Variants in ZNF324 observed in about 807,000 individuals in gnomAD.
The protein encoded by ZNF324 is zinc finger protein 324.
In ZNF324, 3 loss-of-function variants were observed where a neutral mutation model predicts 10.3. The observed-to-expected ratio is 0.29, with a 90% confidence interval of 0.13 to 0.75. ZNF324 has a LOEUF of 0.75. Among genes scored for constraint, ZNF324 ranks in the 30% least tolerant of loss-of-function variants. ZNF324 has a pLI of 0.69. For missense variants in ZNF324, 763 were observed against 784.4 expected, an observed-to-expected ratio of 0.97 and a Z score of 0.33; for synonymous variants, 430 against 339.5, an observed-to-expected ratio of 1.27 and a Z score of -2.93.
At chr19:58,470,276 A>G (rs914381060) in intron 3 of ZNF324, among the ~76,000 whole-genome samples, 1 of 151,302 alleles carries the variant, frequency 6.6e-6, no homozygotes, top group Non-Finnish European at 1.5e-5. Flanking sequence ...TCTGGGGCTC[A>G]TGGTGTGGTG....
At position 58,471,371 on chromosome 19, in the gene ZNF324, C is replaced by T. The variant is rs372919470; in HGVS notation, c.879C>T (p.Ala293=). The T allele has an allele frequency of 6.8e-6, 11 of 1,613,854 alleles. No individual in the cohort carries two copies. Among genetic ancestry groups the T allele is most frequent in the African/African-American group, 6.7e-5 (5 of 74,946 alleles). ...RPYECAQCGK[A]FSQTSHLTQH... ...ACGAGTGCGCCCAGTGCGGCAAGGCCTTCAGCCAGACGTCGCACTTGACGC... is the reference window on the plus strand; with the variant it reads ...ACGAGTGCGCCCAGTGCGGCAAGGCTTTCAGCCAGACGTCGCACTTGACGC... Residue 293 remains alanine (A), a synonymous_variant, in exon 4 of 4, where the codon GCC becomes GCT. Coordinates refer to ENST00000196482, the MANE Select transcript of ZNF324 (RefSeq NM_014347.3).
In ZNF324 at chr19:58,471,702, G is replaced by A. The variant is rs755676423; in HGVS notation, c.1210G>A (p.Ala404Thr). The change falls in exon 4 of 4, where the codon GCT (alanine) becomes ACT (threonine). Residue 404 changes from alanine to threonine, a missense_variant. By Grantham distance (58) the Ala-to-Thr change is moderately conservative (BLOSUM62 0). Around this residue, in one of 3 missense-constraint regions of ZNF324, gnomAD observed 153 missense variants for 269.0 expected, o/e 0.57. Coordinates refer to ENST00000196482, the MANE Select transcript of ZNF324 (RefSeq NM_014347.3). ...EKPFVCALCGAAFSQGSSLFK... is the reference protein window; with the variant it reads ...EKPFVCALCGTAFSQGSSLFK... ...GCCCTTCGTGTGCGCGCTCTGCGGT[G>A]CTGCCTTCAGCCAGGGCTCCTCGCT... is the stretch of plus-strand genomic sequence containing the variant. 2.5e-5 allele frequency: 41 copies of A among 1,612,028 alleles called. No individual in the cohort carries two copies. In the South Asian group the frequency reaches 4.3e-4, roughly 17 times the overall value.
At position 58,470,800 on chromosome 19, in the gene ZNF324, C is replaced by G; in HGVS notation, c.308C>G (p.Pro103Arg). ...EWPRAFPDTP[P>R]GMTTSVFPVA... ...CCACGAGCTTTCCCAGATACCCCACCTGGGATGACTACTAGCGTCTTCCCT... is the reference window on the plus strand; with the variant it reads ...CCACGAGCTTTCCCAGATACCCCACGTGGGATGACTACTAGCGTCTTCCCT... Residue 103 changes from proline to arginine, a missense_variant, in exon 4 of 4, where the codon CCT becomes CGT. Pro to Arg is a moderately radical substitution (Grantham distance 103). This residue lies in a region of ZNF324 where 379 missense variants were observed against 319.4 expected (regional missense o/e 1.19). Coordinates refer to ENST00000196482, the MANE Select transcript of ZNF324 (RefSeq NM_014347.3). 2.5e-6 allele frequency: 4 copies of G among 1,614,230 alleles called. No individual in the cohort carries two copies. The highest frequency in any genetic ancestry group is 3.4e-6 in the Non-Finnish European group (4 of 1,180,044).
chr19:58,472,392 G>C lies in ZNF324; in HGVS notation c.*238G>C. On this transcript the variant is annotated 3_prime_UTR_variant, in exon 4 of 4. Coordinates refer to ENST00000196482, the MANE Select transcript of ZNF324 (RefSeq NM_014347.3). ...ACATCAGGGGGAGGACGTGGTGGCT[G>C]AACTCTAGTGGGGCCGAGACTATTC... 2 of 551,820 alleles carry C rather than the reference G, an allele frequency of 3.6e-6. No individual in the cohort carries two copies. Among genetic ancestry groups the C allele is most frequent in the Non-Finnish European group, 6.4e-6 (2 of 311,834 alleles). 34.2% of individuals were successfully genotyped at this position (551,820 alleles called of 1,614,324 possible).
intron 1 of ZNF324, among the ~76,000 whole-genome samples, chr19:58,468,706 A>G (rs1389610054): frequency 1.3e-5 from 2 of 152,170 alleles, no homozygotes; most frequent in Non-Finnish European, 2.9e-5. Flanking sequence ...GGGCCCAGCC[A>G]GGACTTGTTC....
At position 58,472,235 on chromosome 19, in the gene ZNF324, G is replaced by GA. The variant is rs2053043393; in HGVS notation, c.*86dup. ...ATGTCCTCTGCAGATCCACAGCAGA[G>GA]AAAAAGTCCCGTGCTTGCTAGTCAG... On this transcript the variant is annotated 3_prime_UTR_variant, in exon 4 of 4. Coordinates refer to ENST00000196482, the MANE Select transcript of ZNF324 (RefSeq NM_014347.3). 7.2e-7 allele frequency: 1 copy of GA among 1,390,636 alleles called. No individual in the cohort carries two copies. The highest frequency in any genetic ancestry group is 1.4e-5 in the South Asian group (1 of 69,432). 86.1% of individuals were successfully genotyped at this position (1,390,636 alleles called of 1,614,324 possible).
Position 58,474,524 on chromosome 19 carries a change from C to T in ZNF324, c.*2370C>T, listed in dbSNP as rs1297844616. 6.6e-6 allele frequency: 1 copy of T among 152,112 alleles called. No homozygotes were observed. The highest frequency in any genetic ancestry group is 1.9e-4 in the East Asian group (1 of 5,158). 9.4% of individuals were successfully genotyped at this position (152,112 alleles called of 1,614,324 possible). ...TGTTGTCCCTCAGTTTGTCCACCCT[C>T]CTCCAATCTTCCCCTCCCCAAACCC... On this transcript the variant is annotated 3_prime_UTR_variant, in exon 4 of 4. Coordinates refer to ENST00000196482, the MANE Select transcript of ZNF324 (RefSeq NM_014347.3).
chr19:58,470,665 A>T, intron 3 of ZNF324, 66 bp from the exon 4 acceptor site: 1 of 1,606,062 alleles, frequency 6.2e-7, no homozygotes, highest in Non-Finnish European at 8.5e-7. Context: ...TTGCCTGTCC[A>T]CTCAGCCTGC....
In ZNF324 at chr19:58,469,117, A is replaced by G. The variant is rs748166030; in HGVS notation, c.-6-63A>G. On this transcript the variant is annotated intron_variant, in intron 1 of 3. Transcript: ENST00000196482. ...ATTCTTCTTCCAATGTGGCCCAGGG[A>G]AGCCAAAAGATTGGATAACCCAGCC... 3.5e-4 allele frequency: 557 copies of G among 1,610,552 alleles called. 1 individual carries two copies. Among genetic ancestry groups the G allele is most frequent in the South Asian group, 1.1e-4 (10 of 90,918 alleles).
chr19:58,471,438 C>A lies in ZNF324; in HGVS notation c.946C>A (p.Pro316Thr). ...IHSGETPYACPVCGKAFRHSS... is the reference protein window; with the variant it reads ...IHSGETPYACTVCGKAFRHSS... ...CAGCGGCGAGACGCCCTACGCGTGC[C>A]CCGTGTGCGGCAAGGCCTTCCGGCA... The change falls in exon 4 of 4, where the codon CCC becomes ACC. Residue 316 changes from proline to threonine, a missense_variant. By Grantham distance (38) the Pro-to-Thr change is conservative. Transcript: ENST00000196482. 1.2e-6 allele frequency: 2 copies of A among 1,605,724 alleles called. No homozygotes were observed. Among genetic ancestry groups the A allele is most frequent in the Admixed American group, 3.4e-5 (2 of 59,462 alleles).
In ZNF324 at chr19:58,471,996, A is replaced by T; in HGVS notation, c.1504A>T (p.Ile502Phe). 1 of 1,608,668 alleles carries T rather than the reference A, an allele frequency of 6.2e-7. No homozygotes were observed. The highest frequency in any genetic ancestry group is 8.5e-7 in the Non-Finnish European group (1 of 1,179,706). ...CCCGGCCCTCTTCCACCACCAGAGG[A>T]TCCATACCGGCGAGAAGACCGTCCG... ...ERPALFHHQR[I>F]HTGEKTVRRS... The change falls in exon 4 of 4, where the codon ATC (isoleucine) becomes TTC (phenylalanine). Residue 502 changes from isoleucine to phenylalanine, a missense_variant. By Grantham distance (21) the Ile-to-Phe change is conservative. This residue lies in a region of ZNF324 where 231 missense variants were observed against 196.0 expected (regional missense o/e 1.18). Transcript: ENST00000196482.
chr19:58,471,293 G>C lies in ZNF324; in HGVS notation c.801G>C (p.Val267=), dbSNP rs1316403598. Residue 267 remains valine (V), a synonymous_variant, in exon 4 of 4, where the codon GTG becomes GTC. Coordinates refer to ENST00000196482, the MANE Select transcript of ZNF324 (RefSeq NM_014347.3). ...FECRACSKVF[V]KSSDLLKHLR... is the part of the protein sequence containing the mutation. Reference sequence around the variant, plus strand: ...GCAGGGCGTGCAGCAAAGTGTTCGTGAAGAGCTCCGACCTCCTCAAGCACC... The same window carrying C: ...GCAGGGCGTGCAGCAAAGTGTTCGTCAAGAGCTCCGACCTCCTCAAGCACC... 3.1e-6 allele frequency: 5 copies of C among 1,613,846 alleles called. No homozygotes were observed. Among genetic ancestry groups the C allele is most frequent in the Non-Finnish European group, 3.4e-6 (4 of 1,180,006 alleles).
rs2122430986 is a variant in ZNF324, at chr19:58,475,412, A to G, written c.*3258A>G. ...TTCTGCTCCCCAAATTCAAAGGTAA[A>G]TAAACGGTTGAGCATGTCCGATCAG... On this transcript the variant is annotated 3_prime_UTR_variant, in exon 4 of 4. Coordinates refer to ENST00000196482, the MANE Select transcript of ZNF324 (RefSeq NM_014347.3). 1 of 152,340 alleles carries G rather than the reference A, an allele frequency of 6.6e-6. No individual in the cohort carries two copies. Among genetic ancestry groups the G allele is most frequent in the East Asian group, 1.9e-4 (1 of 5,190 alleles). 9.4% of individuals were successfully genotyped at this position (152,340 alleles called of 1,614,324 possible). A position where few individuals can be genotyped will look rare whatever the true frequency, so the allele number is the denominator to read the frequency against.
rs760510284 is a variant in ZNF324, at chr19:58,475,229, G to A, written c.*3075G>A. Reference sequence around the variant, plus strand: ...GCTCTTCATCCAGAGCAGGCAGCAGGGATTCCCAGGTATCCAAAGAAACCA... The same window carrying A: ...GCTCTTCATCCAGAGCAGGCAGCAGAGATTCCCAGGTATCCAAAGAAACCA... On this transcript the variant is annotated 3_prime_UTR_variant, in exon 4 of 4. Coordinates refer to ENST00000196482, the MANE Select transcript of ZNF324 (RefSeq NM_014347.3). The A allele has an allele frequency of 1.3e-5, 2 of 152,156 alleles. No homozygotes were observed. Among genetic ancestry groups the A allele is most frequent in the East Asian group, 3.8e-4 (2 of 5,200 alleles). 9.4% of individuals were successfully genotyped at this position (152,156 alleles called of 1,614,324 possible).
intron 3 of ZNF324, 173 bp from the exon 4 acceptor site, chr19:58,470,558 C>G: frequency 1.3e-6 from 1 of 782,274 alleles, no homozygotes; most frequent in South Asian, 1.5e-5. Context: ...CCATACCTAT[C>G]AGGGCAGATT....
Position 58,468,259 on chromosome 19 carries a change from G to A in ZNF324, c.-6-921G>A, listed in dbSNP as rs541102732. 44 of 985,254 alleles carry A rather than the reference G, an allele frequency of 4.5e-5. No homozygotes were observed. In the African/African-American group the frequency reaches 6.8e-4, roughly 15 times the overall value. 61.0% of individuals were successfully genotyped at this position (985,254 alleles called of 1,614,324 possible). On this transcript the variant is annotated intron_variant, in intron 1 of 3. Coordinates refer to ENST00000196482, the MANE Select transcript of ZNF324 (RefSeq NM_014347.3). ...GACAGGGCCTATGAATTGGACTGAG[G>A]AATGGGCAGGGACTCAGCCAGGTGT...
chr19:58,470,298 C>T (rs943338513), intron 3 of ZNF324, among the ~76,000 whole-genome samples: 8 of 142,432 alleles, frequency 5.6e-5, no homozygotes, highest in African/African-American at 2.1e-4. Context: ...GAGAGGCAGT[C>T]GGTAAGCAGG....
In ZNF324 at chr19:58,471,898, T is replaced by G; in HGVS notation, c.1406T>G (p.Leu469Arg). The G allele has an allele frequency of 2.5e-6, 4 of 1,611,162 alleles. No homozygotes were observed. The highest frequency in any genetic ancestry group is 3.4e-6 in the Non-Finnish European group (4 of 1,179,346). ...GCCTTCGCCAAGGGCGCCGTGCTGCTCAGCCACCGGCGCATTCACACGGGC... is the reference window on the plus strand; with the variant it reads ...GCCTTCGCCAAGGGCGCCGTGCTGCGCAGCCACCGGCGCATTCACACGGGC... ...GKAFAKGAVL[L>R]SHRRIHTGEK... is the part of the protein sequence containing the mutation. Residue 469 changes from leucine to arginine, a missense_variant, in exon 4 of 4, where the codon CTC (leucine) becomes CGC (arginine). This residue lies in a region of ZNF324 where 231 missense variants were observed against 196.0 expected (regional missense o/e 1.18). Transcript: ENST00000196482.
rs1157558163 is a variant in ZNF324 at position 58,474,802 on chromosome 19, C to T, written c.*2648C>T. The T allele has an allele frequency of 1.3e-5, 2 of 152,254 alleles. No individual in the cohort carries two copies. The highest frequency in any genetic ancestry group is 4.8e-5 in the African/African-American group (2 of 41,416). 9.4% of individuals were successfully genotyped at this position (152,254 alleles called of 1,614,324 possible). A position where few individuals can be genotyped will look rare whatever the true frequency, so the allele number is the denominator to read the frequency against. On this transcript the variant is annotated 3_prime_UTR_variant, in exon 4 of 4. Transcript: ENST00000196482. ...AGTATGAGGATGGTGACAGAGGAGT[C>T]AGGAGCAATGGCATTCCTAAGCTAG...
Sources: allele counts gnomAD v4.1 joint callset (sites outside exome capture counted in the v4.1 genomes callset), GRCh38; gene constraint gnomAD v4.1.1; regional missense constraint gnomAD v4.1.1; transcripts MANE v1.5; gene names NCBI Gene and HGNC (gene_info 2026-07-23, HGNC 2026-07-21).